The following DHRSX variants were observed in gnomAD, a reference collection of about 807,000 sequenced individuals.
DHRSX encodes polyprenol dehydrogenase.
Under a neutral mutation model 34.0 loss-of-function variants are expected in DHRSX, and 31 were observed. The ratio of observed to expected loss-of-function variants is 0.91; its 90% CI spans 0.69 to 1.23. The LOEUF (loss-of-function observed/expected upper bound fraction) is 1.23. Ranked by LOEUF, DHRSX falls within the 50% of genes most tolerant of loss-of-function variation. The pLI is 0.00. For synonymous variants in DHRSX, 201 were observed against 183.8 expected (o/e 1.09, Z -0.76); for missense variants, 414 against 428.1 (o/e 0.97, Z 0.29).
chrX:2,459,751 T>C (rs1435060913), intron 1 of DHRSX, among the ~76,000 whole-genome samples: 1 of 152,064 alleles, frequency 6.6e-6, no homozygotes, highest in Non-Finnish European at 1.5e-5. Flanking sequence ...ATACAGTTTA[T>C]ATGACTATGT....
At chrX:2,373,494 G>A (rs368658301) in intron 3 of DHRSX, among the ~76,000 whole-genome samples, 2 of 152,126 alleles carry the variant, frequency 1.3e-5, no homozygotes, top group Admixed American at 6.6e-5. Context: ...GAATTAGGGG[G>A]TCTCTAGTCC....
At chrX:2,437,671 CAGAGAG>C (rs1208680585) in intron 1 of DHRSX, among the ~76,000 whole-genome samples, 50 of 143,084 alleles carry the variant, frequency 3.5e-4, no homozygotes, top group Middle Eastern at 3.6e-3. Flanking sequence ...CTAAGAGAGA[CAGAGAG>C]AGAGAGAGAG....
chrX:2,473,692 C>T lies in DHRSX; in HGVS notation c.109+27125G>A, dbSNP rs1381521063. Among the ~76,000 whole-genome samples the T allele has an allele frequency of 7.1e-5, 10 of 140,524 alleles. 2 individuals carry two copies. The highest frequency in any genetic ancestry group is 3.4e-4 in the Admixed American group (5 of 14,602). 92.2% of individuals were successfully genotyped at this position (140,524 alleles called of 152,430 possible). The stretch of plus-strand genomic sequence containing the variant: ...GCCAGGACACAAGCCCCTTCCACCC[C>T]GGGCCCCGGAAATGCACAGACCACC... On this transcript the variant is annotated intron_variant, in intron 1 of 6. Transcript: ENST00000334651.
chrX:2,426,560 TC>T (rs1378389895), intron 1 of DHRSX, among the ~76,000 whole-genome samples: 9 of 146,492 alleles, frequency 6.1e-5, no homozygotes, highest in Admixed American at 4.7e-4. Context: ...CTTCCTTCCT[TC>T]CCTCTTTCTT....
At chrX:2,358,655 C>A (rs1422501241) in intron 3 of DHRSX, among the ~76,000 whole-genome samples, 1 of 152,094 alleles carries the variant, frequency 6.6e-6, no homozygotes, top group Non-Finnish European at 1.5e-5. Flanking sequence ...TGAGGTAGAT[C>A]TTACTATTCT....
chrX:2,286,321 A>G (rs746031659), intron 4 of DHRSX, among the ~76,000 whole-genome samples: 1 of 151,940 alleles, frequency 6.6e-6, no homozygotes, highest in African/African-American at 2.4e-5. Context: ...TGCACAAACC[A>G]AGGCAAAAAA....
intron 3 of DHRSX, among the ~76,000 whole-genome samples, chrX:2,374,805 T>C (rs1315586714): frequency 6.4e-5 from 8 of 125,274 alleles, no homozygotes; most frequent in East Asian, 2.3e-4. Context: ...CAAGGCCAGG[T>C]TCAGTCCTGT....
At chrX:2,235,176 C>T (rs889698457) in intron 6 of DHRSX, among the ~76,000 whole-genome samples, 7 of 152,160 alleles carry the variant, frequency 4.6e-5, no homozygotes, top group Non-Finnish European at 8.8e-5. Context: ...AACTCAGATA[C>T]TGAAAGTCAA....
intron 3 of DHRSX, among the ~76,000 whole-genome samples, chrX:2,306,251 CA>C (rs1265884728): frequency 2.0e-5 from 3 of 151,762 alleles, no homozygotes; most frequent in African/African-American, 7.3e-5. Context: ...TACCTCGCAC[CA>C]AGAGAAACAC....
intron 1 of DHRSX, among the ~76,000 whole-genome samples, chrX:2,443,612 C>T (rs1429513961): frequency 5.3e-5 from 8 of 152,072 alleles, no homozygotes; most frequent in Admixed American, 2.0e-4. Context: ...ACTTGTATCA[C>T]ATGCTGGGCA....
chrX:2,290,521 A>T (rs1433025921), intron 4 of DHRSX, among the ~76,000 whole-genome samples: 2 of 152,184 alleles, frequency 1.3e-5, no homozygotes, highest in Non-Finnish European at 2.9e-5. Context: ...TAATCACAAG[A>T]TCCTTTTGCT....
chrX:2,314,646 C>T (rs2042220941), intron 3 of DHRSX, among the ~76,000 whole-genome samples: 1 of 151,744 alleles, frequency 6.6e-6, no homozygotes, highest in Non-Finnish European at 1.5e-5. Context: ...TTATGTTATG[C>T]CAGAGTCACA....
At chrX:2,442,400 A>G (rs1166572144) in intron 1 of DHRSX, among the ~76,000 whole-genome samples, 1 of 151,774 alleles carries the variant, frequency 6.6e-6, no homozygotes, top group Non-Finnish European at 1.5e-5. Context: ...AACTGTATAT[A>G]TTATAATATA....
chrX:2,310,803 G>A (rs1308390863), intron 3 of DHRSX, among the ~76,000 whole-genome samples: 1 of 151,902 alleles, frequency 6.6e-6, no homozygotes, highest in African/African-American at 2.4e-5. Flanking sequence ...GCTCACACCT[G>A]TAATCCCAAT....
intron 6 of DHRSX, among the ~76,000 whole-genome samples, chrX:2,237,828 T>C (rs2016051989): frequency 6.6e-6 from 1 of 151,910 alleles, no homozygotes; most frequent in Non-Finnish European, 1.5e-5. Flanking sequence ...GTAACACCCA[T>C]TGATCTTGAG....
intron 1 of DHRSX, chrX:2,489,319 CAT>C: frequency 6.2e-7 from 1 of 1,613,918 alleles, no homozygotes. Flanking sequence ...CGTTGAGAAA[CAT>C]GTCGATCTCG....
chrX:2,355,628 T>C (rs2042841552), intron 3 of DHRSX, among the ~76,000 whole-genome samples: 1 of 149,846 alleles, frequency 6.7e-6, no homozygotes, highest in Non-Finnish European at 1.5e-5. Context: ...AAATAATAAA[T>C]TCAGAGCACA....
At position 2,270,957 on chromosome X, in the gene DHRSX, AGCACTCTGTAAAATGGACCAGTC is replaced by A. The variant is rs1279399367; in HGVS notation, c.389-4033_389-4011del. Among the ~76,000 whole-genome samples, 3 of 152,340 alleles carry A rather than the reference AGCACTCTGTAAAATGGACCAGTC, an allele frequency of 2.0e-5. 1 individual carries two copies. Among genetic ancestry groups the A allele is most frequent in the African/African-American group, 7.2e-5 (3 of 41,582 alleles). The stretch of plus-strand genomic sequence containing the variant: ...CAGCACTCTGTAAAATGGACCAATC[AGCACTCTGTAAAATGGACCAGTC>A]AGCAGGATGTGGGCGGGGCCAAATA... On this transcript the variant is annotated intron_variant, in intron 4 of 6. Coordinates refer to ENST00000334651, the MANE Select transcript of DHRSX (RefSeq NM_145177.3).
chrX:2,360,787 G>C (rs1030409399), intron 3 of DHRSX, among the ~76,000 whole-genome samples: 2 of 151,970 alleles, frequency 1.3e-5, no homozygotes, highest in Admixed American at 6.6e-5. Context: ...CAGATGCTTA[G>C]ACAGGGAACA....
Sources: allele counts gnomAD v4.1 joint callset (sites outside exome capture counted in the v4.1 genomes callset), GRCh38; gene constraint gnomAD v4.1.1; transcripts MANE v1.5; gene names NCBI Gene and HGNC (gene_info 2026-07-23, HGNC 2026-07-21).